Variants in STK3 observed in about 807,000 individuals in gnomAD.
STK3 encodes the protein serine/threonine-protein kinase 3.
In STK3, 41 loss-of-function variants were observed where a neutral mutation model predicts 58.0. The ratio of observed to expected loss-of-function variants is 0.71; its 90% CI spans 0.55 to 0.92. STK3 has a LOEUF of 0.92. Ranked by LOEUF, STK3 falls within the 40% of genes least tolerant of loss-of-function variation. The pLI, the probability that STK3 is intolerant of heterozygous loss-of-function variation, is 0.00. For missense variants in STK3, 479 were observed against 602.7 expected (o/e 0.79, Z 2.15); for synonymous variants, 170 against 191.0 (o/e 0.89, Z 0.91).
intron 3 of STK3, among the ~76,000 whole-genome samples, chr8:98,836,830 C>T (rs1451676571): frequency 1.3e-5 from 2 of 152,116 alleles, no homozygotes; most frequent in East Asian, 1.9e-4. Context: ...CCATTTTACA[C>T]TTTTAAAAAC....
chr8:98,687,517 G>C (rs757102791), intron 6 of STK3, among the ~76,000 whole-genome samples: 8 of 152,166 alleles, frequency 5.3e-5, no homozygotes, highest in Non-Finnish European at 1.0e-4. Flanking sequence ...ACCGGTACCA[G>C]TCTGTGGCCC....
the STK3 span, among the ~76,000 whole-genome samples, chr8:98,363,797 G>A: frequency 6.6e-6 from 1 of 152,186 alleles, no homozygotes; most frequent in Non-Finnish European, 1.5e-5. Flanking sequence ...TCTCAGGTTG[G>A]AAGTGATGTC....
At position 98,718,311 on chromosome 8, in the gene STK3, A is replaced by G. The variant is rs373351987; in HGVS notation, c.352-11000T>C. ...ATTTGAGTTGAATAAAGAAGGCTGA[A>G]GTTTAATGCACCAGAAGACTAGCTC... On this transcript the variant is annotated intron_variant, in intron 4 of 10. Coordinates refer to ENST00000419617, the MANE Select transcript of STK3 (RefSeq NM_006281.4). 8.6e-4 allele frequency among the ~76,000 whole-genome samples: 131 copies of G among 152,324 alleles called. 1 individual carries two copies. In the South Asian group the frequency reaches 0.013, roughly 15 times the overall value.
chr8:98,792,901 T>TGA (rs1212601799), intron 1 of STK3, among the ~76,000 whole-genome samples: 1 of 145,488 alleles, frequency 6.9e-6, no homozygotes, highest in Admixed American at 6.7e-5. Context: ...ACTGTATGTG[T>TGA]GTGTGTGTGT....
At chr8:98,413,042 C>A in intron 3 of STK3, 1 of 230,632 alleles carries the variant, frequency 4.3e-6, no homozygotes, top group Non-Finnish European at 8.5e-6. Flanking sequence ...GAGACAGGAT[C>A]TCACTCTGTC....
chr8:98,929,664 A>T (rs1839938286), intron 1 of STK3, among the ~76,000 whole-genome samples: 1 of 152,228 alleles, frequency 6.6e-6, no homozygotes, highest in Admixed American at 6.5e-5. Context: ...AAATAAATAA[A>T]TAAAGGAATA....
chr8:98,758,300 C>T (rs759940789), intron 3 of STK3, among the ~76,000 whole-genome samples: 4 of 152,138 alleles, frequency 2.6e-5, no homozygotes, highest in South Asian at 2.1e-4. Flanking sequence ...ACTCATTCTA[C>T]GAGGCCAGCA....
chr8:98,446,875 A>AGT (rs1469249551), intron 1 of STK3, among the ~76,000 whole-genome samples: 1 of 152,174 alleles, frequency 6.6e-6, no homozygotes, highest in African/African-American at 2.4e-5. Flanking sequence ...AAGAAAATAC[A>AGT]GTATATATAC....
intron 1 of STK3, among the ~76,000 whole-genome samples, chr8:98,795,831 C>T (rs889289796): frequency 6.6e-6 from 1 of 151,454 alleles, no homozygotes; most frequent in Admixed American, 6.6e-5. Flanking sequence ...CAATACAATA[C>T]AATACAATAC....
At chr8:98,374,491 A>G (rs191420181) in intron 2 of STK3, among the ~76,000 whole-genome samples, 9 of 152,364 alleles carry the variant, frequency 5.9e-5, no homozygotes, top group African/African-American at 2.2e-4. Flanking sequence ...GTGAACATTG[A>G]TTTCTGGCAG....
chr8:98,439,815 G>C (rs917194782), intron 1 of STK3, among the ~76,000 whole-genome samples: 1 of 152,172 alleles, frequency 6.6e-6, no homozygotes, highest in African/African-American at 2.4e-5. Flanking sequence ...GCACAATGAA[G>C]TCTGCATACC....
At chr8:98,833,587 T>A (rs1835626695) in intron 3 of STK3, among the ~76,000 whole-genome samples, 1 of 152,192 alleles carries the variant, frequency 6.6e-6, no homozygotes, top group Non-Finnish European at 1.5e-5. Context: ...TTTGATTTCC[T>A]TTAGGGCCTG....
At chr8:98,741,157 C>T (rs1167780520) in intron 4 of STK3, among the ~76,000 whole-genome samples, 1 of 152,170 alleles carries the variant, frequency 6.6e-6, no homozygotes, top group African/African-American at 2.4e-5. Flanking sequence ...GAGACTTTAA[C>T]ACCCCACTGT....
intron 1 of STK3, among the ~76,000 whole-genome samples, chr8:98,781,199 T>C (rs1832064253): frequency 6.6e-6 from 1 of 152,166 alleles, no homozygotes. Context: ...CTAGAGACTA[T>C]GTCAGACTGT....
At chr8:98,650,380 C>A (rs893803755) in intron 6 of STK3, among the ~76,000 whole-genome samples, 1 of 152,228 alleles carries the variant, frequency 6.6e-6, no homozygotes, top group African/African-American at 2.4e-5. Context: ...CGAATAGGAA[C>A]AACTCTGGTC....
intron 8 of STK3, among the ~76,000 whole-genome samples, chr8:98,566,856 A>G (rs1812520964): frequency 6.6e-6 from 1 of 152,232 alleles, no homozygotes. Flanking sequence ...AATTTCACTG[A>G]AAACAACTGG....
At chr8:98,853,298 C>CA (rs1163102210) in intron 3 of STK3, among the ~76,000 whole-genome samples, 1 of 152,094 alleles carries the variant, frequency 6.6e-6, no homozygotes, top group Non-Finnish European at 1.5e-5. Flanking sequence ...CTTTGAGTCC[C>CA]ATGGCACCAA....
chr8:98,637,606 G>C (rs1819711369), intron 6 of STK3, among the ~76,000 whole-genome samples: 1 of 152,076 alleles, frequency 6.6e-6, no homozygotes, highest in South Asian at 2.1e-4. Flanking sequence ...GTGAAAGTGA[G>C]GACAGCACTC....
intron 3 of STK3, among the ~76,000 whole-genome samples, chr8:98,861,678 G>C (rs1199494951): frequency 6.6e-6 from 1 of 152,112 alleles, no homozygotes; most frequent in East Asian, 1.9e-4. Context: ...TCTTCAAGAG[G>C]TCTCTGTTAC....
Sources: allele counts gnomAD v4.1 joint callset (sites outside exome capture counted in the v4.1 genomes callset), GRCh38; gene constraint gnomAD v4.1.1; transcripts MANE v1.5; gene names NCBI Gene and HGNC (gene_info 2026-07-23, HGNC 2026-07-21).